Variants in ZBTB40 observed in about 807,000 individuals in gnomAD.
ZBTB40 encodes zinc finger and BTB domain-containing protein 40.
ZBTB40 carries 60 observed loss-of-function variants against 117.5 expected under a neutral mutation model. The ratio of observed to expected loss-of-function variants is 0.51; its 90% CI spans 0.41 to 0.63. The LOEUF is 0.63. ZBTB40 is among the 30% of genes least tolerant of loss of function. ZBTB40 has a pLI of 0.00. For synonymous variants in ZBTB40, 525 were observed against 577.1 expected (o/e 0.91, Z 1.29); for missense variants, 1,287 against 1,498.5 (o/e 0.86, Z 2.33).
rs1407056836 is a variant in ZBTB40 at position 22,529,781 on chromosome 1, T to G, written c.*3385T>G. 6.6e-6 allele frequency: 1 copy of G among 152,274 alleles called. No homozygotes were observed. Among genetic ancestry groups the G allele is most frequent in the East Asian group, 1.9e-4 (1 of 5,286 alleles). The allele number at this position is 152,274 out of a possible 1,614,324, so 9.4% of individuals were successfully genotyped here. On this transcript the variant is annotated 3_prime_UTR_variant, in exon 18 of 18. Transcript: ENST00000375647. ...CCAGGTCTCCTCTGAGGAAGCATTC[T>G]GACTTCCCACTGACCACGGAAGGCA...
chr1:22,480,324 C>A (rs1026765350), intron 1 of ZBTB40, among the ~76,000 whole-genome samples: 7 of 152,108 alleles, frequency 4.6e-5, no homozygotes, highest in Admixed American at 2.0e-4. Flanking sequence ...ACCTTTAATA[C>A]CTATACAGTC....
intron 1 of ZBTB40, among the ~76,000 whole-genome samples, chr1:22,431,384 G>GTGTATATATA (rs1222294324): frequency 7.7e-4 from 92 of 119,688 alleles, no homozygotes; most frequent in African/African-American, 1.0e-3. Flanking sequence ...GTGTGTGTGT[G>GTGTATATATA]TATATATATA....
At chr1:22,515,505 G>A (rs1639351617) in intron 12 of ZBTB40, among the ~76,000 whole-genome samples, 1 of 152,178 alleles carries the variant, frequency 6.6e-6, no homozygotes. Context: ...CCTTCTGGAG[G>A]CTCTAGGGGA....
At chr1:22,444,232 C>T (rs769482614) in intron 1 of ZBTB40, among the ~76,000 whole-genome samples, 2 of 151,810 alleles carry the variant, frequency 1.3e-5, no homozygotes, top group East Asian at 1.9e-4. Flanking sequence ...GGCAAACATG[C>T]GAAAACTCAT....
intron 1 of ZBTB40, among the ~76,000 whole-genome samples, chr1:22,467,776 G>GTTTTT (rs35900750): frequency 7.7e-6 from 1 of 130,480 alleles, no homozygotes; most frequent in African/African-American, 2.9e-5. Context: ...TGTCAGGCCT[G>GTTTTT]TTTTTTTTTT....
intron 13 of ZBTB40, among the ~76,000 whole-genome samples, chr1:22,518,872 C>T (rs952635471): frequency 6.6e-6 from 1 of 152,300 alleles, no homozygotes; most frequent in East Asian, 1.9e-4. Flanking sequence ...CTTCCTTTCC[C>T]AGTAGCATTA....
intron 1 of ZBTB40, among the ~76,000 whole-genome samples, chr1:22,442,237 G>A (rs1388221364): frequency 6.6e-6 from 1 of 152,210 alleles, no homozygotes; most frequent in East Asian, 1.9e-4. Flanking sequence ...AAGAATGTGT[G>A]TGCAGTGGTG....
chr1:22,502,528 T>G, intron 5 of ZBTB40, 87 bp downstream of exon 5: 1 of 1,563,876 alleles, frequency 6.4e-7, no homozygotes, highest in Non-Finnish European at 8.8e-7. Flanking sequence ...CTTTATACTT[T>G]GCAGTATTTT....
At chr1:22,495,824 G>A (rs1479906981) in intron 3 of ZBTB40, among the ~76,000 whole-genome samples, 15 of 152,116 alleles carry the variant, frequency 9.9e-5, no homozygotes, top group Admixed American at 5.2e-4. Context: ...CCTTTTTTAC[G>A]TTTTAGGAAT....
intron 1 of ZBTB40, among the ~76,000 whole-genome samples, chr1:22,443,712 G>A (rs1463612088): frequency 2.6e-5 from 4 of 152,186 alleles, no homozygotes; most frequent in South Asian, 2.1e-4. Context: ...CGCAAGAGAC[G>A]GCTTTGCAAG....
chr1:22,457,220 CAG>C (rs1641024984), intron 1 of ZBTB40, among the ~76,000 whole-genome samples: 1 of 152,130 alleles, frequency 6.6e-6, no homozygotes, highest in Non-Finnish European at 1.5e-5. Flanking sequence ...CATTTGTCCA[CAG>C]AGTCCCCTCT....
chr1:22,524,507 G>C (rs1639624711), intron 17 of ZBTB40, 63 bp downstream of exon 17: 1 of 1,550,416 alleles, frequency 6.4e-7, no homozygotes, highest in South Asian at 1.1e-5. Context: ...CTTCTCTAGA[G>C]GTGGCTCTGT....
intron 1 of ZBTB40, among the ~76,000 whole-genome samples, chr1:22,464,802 T>C (rs1641214115): frequency 6.6e-6 from 1 of 152,252 alleles, no homozygotes; most frequent in Non-Finnish European, 1.5e-5. Flanking sequence ...GCTGGTTGTT[T>C]TCTTTTTAGT....
In ZBTB40 at chr1:22,466,639, A is replaced by T. The variant is rs1422547269; in HGVS notation, c.-70+14635A>T. Among the ~76,000 whole-genome samples, 3 of 151,960 alleles carry T rather than the reference A, an allele frequency of 2.0e-5. No homozygotes were observed. In the East Asian group the frequency reaches 5.8e-4, roughly 29 times the overall value. On this transcript the variant is annotated intron_variant, in intron 1 of 17. Transcript: ENST00000375647. ...CAGTTTTGATCTGCATTTACTAATGACTGATGATGAACATCTGTTCATGTA... is the reference window on the plus strand; with the variant it reads ...CAGTTTTGATCTGCATTTACTAATGTCTGATGATGAACATCTGTTCATGTA...
At chr1:22,452,324 G>A (rs1266419371) in intron 1 of ZBTB40, among the ~76,000 whole-genome samples, 1 of 152,168 alleles carries the variant, frequency 6.6e-6, no homozygotes, top group African/African-American at 2.4e-5. Flanking sequence ...GCCTCTTGTC[G>A]CTGTCTCACT....
intron 1 of ZBTB40, among the ~76,000 whole-genome samples, chr1:22,486,896 G>C (rs947077155): frequency 6.6e-6 from 1 of 152,066 alleles, no homozygotes. Flanking sequence ...CACCATGCCT[G>C]ACTAATTTGT....
At chr1:22,464,057 C>A (rs1451595106) in intron 1 of ZBTB40, among the ~76,000 whole-genome samples, 1 of 152,216 alleles carries the variant, frequency 6.6e-6, no homozygotes, top group East Asian at 1.9e-4. Context: ...TGGCAGCTAG[C>A]AGCTAATTAT....
intron 1 of ZBTB40, among the ~76,000 whole-genome samples, chr1:22,469,334 A>C (rs925451894): frequency 6.6e-6 from 1 of 152,060 alleles, no homozygotes; most frequent in Non-Finnish European, 1.5e-5. Context: ...TAAGAGACAC[A>C]GTCTCACTAT....
At position 22,513,742 on chromosome 1, in the gene ZBTB40, C is replaced by T. The variant is rs1569874883; in HGVS notation, c.2668+612C>T. Among the ~76,000 whole-genome samples the T allele has an allele frequency of 1.3e-5, 2 of 152,240 alleles. No individual in the cohort carries two copies. The highest frequency in any genetic ancestry group is 2.9e-5 in the Non-Finnish European group (2 of 68,020). Reference sequence around the variant, plus strand: ...ATAAATAAAATTAAAAAACAATGCACAACCTCTAGGCAAACAGACGACTGG... The same window carrying T: ...ATAAATAAAATTAAAAAACAATGCATAACCTCTAGGCAAACAGACGACTGG... On this transcript the variant is annotated intron_variant, in intron 12 of 17. Coordinates refer to ENST00000375647, the MANE Select transcript of ZBTB40 (RefSeq NM_014870.4). The surrounding 1 kb of genome is among the most constrained non-coding windows in gnomAD (Gnocchi z 4.9).
Sources: gnomAD v4.1 joint callset for allele counts (sites outside exome capture counted in the v4.1 genomes callset) on GRCh38, gnomAD v4.1.1 for gene constraint, Gnocchi (gnomAD v3.1) non-coding constraint, MANE v1.5 for transcripts, NCBI Gene and HGNC (gene_info 2026-07-23, HGNC 2026-07-21) for gene names.